FBXL13: variants seen among roughly 807,000 people sequenced by gnomAD.
FBXL13 encodes the protein F-box and leucine rich repeat protein 13.
A neutral mutation model predicts 83.6 loss-of-function variants in FBXL13; 67 were observed. The observed-to-expected ratio is 0.80, with a 90% CI of 0.66 to 0.98. FBXL13 has a LOEUF of 0.98. Ranked by LOEUF, FBXL13 falls within the 50% of genes least tolerant of loss-of-function variation. The pLI is 0.00. For missense variants in FBXL13, 822 were observed against 866.5 expected, an observed-to-expected ratio of 0.95 and a Z score of 0.64; for synonymous variants, 272 against 299.5, an observed-to-expected ratio of 0.91 and a Z score of 0.95.
rs530805803 is a variant in FBXL13 at position 102,971,823 on chromosome 7, C to T, written c.496-3706G>A. On this transcript the variant is annotated intron_variant, in intron 6 of 19. Coordinates refer to ENST00000313221, the Ensembl canonical transcript of FBXL13. ...GGCGGATCACCTGAGGTCAGAAGTT[C>T]GAGACCAGCCTGGCCAACATGGCAA... Among the ~76,000 whole-genome samples, 74 of 151,994 alleles carry T rather than the reference C, an allele frequency of 4.9e-4. 1 individual carries two copies. The South Asian group carries it at 0.015, about 31-fold the overall frequency.
intron 14 of FBXL13, among the ~76,000 whole-genome samples, chr7:102,880,386 T>A (rs535195633): frequency 6.6e-6 from 1 of 152,358 alleles, no homozygotes; most frequent in South Asian, 2.1e-4. Flanking sequence ...TTCAGAATGA[T>A]CTCCCAGCTC....
rs1326134338 is a variant in FBXL13 at position 102,813,548 on chromosome 7, T to C, written c.2019-17A>G. On this transcript the variant is annotated splice_polypyrimidine_tract_variant and intron_variant, in intron 19 of 19. Transcript: ENST00000313221. ...GCTGCCTTCCTGTAATAACAGTGCT[T>C]AGCATTAGCTAGTTGCAGAAGTAAC... 1.2e-6 allele frequency: 2 copies of C among 1,604,846 alleles called. No homozygotes were observed. Among genetic ancestry groups the C allele is most frequent in the Non-Finnish European group, 1.7e-6 (2 of 1,176,128 alleles).
chr7:102,933,960 C>A, intron 8 of FBXL13: 2 of 1,613,524 alleles, frequency 1.2e-6, no homozygotes, highest in South Asian at 2.2e-5. Context: ...TGCAAAGCGG[C>A]TGAGCTGCGC....
At chr7:103,072,924 C>G (rs1799117699) in intron 1 of FBXL13, among the ~76,000 whole-genome samples, 3 of 152,192 alleles carry the variant, frequency 2.0e-5, no homozygotes, top group Admixed American at 2.0e-4. Context: ...AATTCCTATC[C>G]CAGACGAAGT....
chr7:102,843,924 C>T (rs771649156), intron 17 of FBXL13, among the ~76,000 whole-genome samples: 5 of 152,102 alleles, frequency 3.3e-5, no homozygotes, highest in Admixed American at 6.5e-5. Context: ...CTCCATAAGC[C>T]GAAGTCAGAT....
At chr7:103,025,035 A>G in intron 6 of FBXL13, 28 bp downstream of exon 7, 1 of 1,566,202 alleles carries the variant, frequency 6.4e-7, no homozygotes, top group Non-Finnish European at 8.7e-7. Flanking sequence ...AGATTATAGT[A>G]TATAATGTAT....
chr7:102,934,004 A>C (rs761497097), intron 8 of FBXL13: 1 of 1,614,132 alleles, frequency 6.2e-7, no homozygotes. Context: ...AAGCCGAGTG[A>C]ATCATGGCCG....
At chr7:102,831,394 GACACACACACACAC>G (rs3045618) in intron 18 of FBXL13, among the ~76,000 whole-genome samples, 16 of 141,654 alleles carry the variant, frequency 1.1e-4, no homozygotes, top group African/African-American at 2.9e-4. Context: ...CAGTGCCCGG[GACACACACACACAC>G]ACACACACAC....
upstream of FBXL13, chr7:103,074,593 C>T (rs1799461404): frequency 1.6e-6 from 2 of 1,249,402 alleles, no homozygotes; most frequent in Non-Finnish European, 2.1e-6. Context: ...CCACTCCTCC[C>T]CAATCCCGAA....
intron 1 of FBXL13, among the ~76,000 whole-genome samples, chr7:103,073,306 TTTTC>T (rs1799194914): frequency 6.6e-6 from 1 of 152,108 alleles, no homozygotes; most frequent in Admixed American, 6.6e-5. Context: ...AACTTGCACT[TTTTC>T]TTTTTTACTT....
At chr7:103,025,384 C>G (rs1431851907) in intron 5 of FBXL13, among the ~76,000 whole-genome samples, 154 bp from the exon 7 acceptor site, 2 of 152,126 alleles carry the variant, frequency 1.3e-5, no homozygotes, top group African/African-American at 4.8e-5. Context: ...TTTTCATAAG[C>G]ATGTTTAATG....
intron 17 of FBXL13, chr7:102,834,473 A>ATGTG (rs1554405405): frequency 5.2e-4 from 74 of 141,542 alleles, no homozygotes; most frequent in African/African-American, 2.0e-3. Context: ...ATATATATAT[A>ATGTG]TGTGATGTGG....
Position 102,976,176 on chromosome 7 carries a change from AC to A in FBXL13, c.496-8060del, listed in dbSNP as rs781173685. ...AGACTGATAGTGCCTTGGAACAGAC[AC>A]CCCAGCAACTACCATCGCTTCATCT... On this transcript the variant is annotated intron_variant, in intron 6 of 19. Transcript: ENST00000313221. 1.3e-5 allele frequency: 10 copies of A among 765,478 alleles called. 1 individual carries two copies. The South Asian group carries it at 1.3e-4, about 10-fold the overall frequency. 47.4% of individuals were successfully genotyped at this position (765,478 alleles called of 1,614,324 possible). A position where few individuals can be genotyped will look rare whatever the true frequency, so the allele number is the denominator to read the frequency against.
At chr7:103,045,330 C>T (rs541974809) in intron 2 of FBXL13, among the ~76,000 whole-genome samples, 2 of 152,166 alleles carry the variant, frequency 1.3e-5, no homozygotes, top group African/African-American at 2.4e-5. Flanking sequence ...GGTTGCAGTT[C>T]GTCCACAAAG....
chr7:102,851,932 A>G (rs989356342), intron 17 of FBXL13, among the ~76,000 whole-genome samples: 5 of 152,144 alleles, frequency 3.3e-5, no homozygotes, highest in African/African-American at 1.2e-4. Flanking sequence ...CCAATTACTT[A>G]TCTCATGCTT....
chr7:102,983,265 AGTGCG>A (rs1257308140), intron 6 of FBXL13, among the ~76,000 whole-genome samples: 1 of 152,124 alleles, frequency 6.6e-6, no homozygotes, highest in Non-Finnish European at 1.5e-5. Flanking sequence ...TAGCACTGGG[AGTGCG>A]GAGGCCACTT....
intron 2 of FBXL13, chr7:103,030,994 GAGAA>G (rs1337738583): frequency 6.6e-6 from 1 of 152,134 alleles, no homozygotes; most frequent in Non-Finnish European, 1.5e-5. Context: ...GAAGGAAAGA[GAGAA>G]AGAAACAAAC....
chr7:102,887,623 G>A (rs1002686356), intron 11 of FBXL13, among the ~76,000 whole-genome samples: 1 of 152,152 alleles, frequency 6.6e-6, no homozygotes, highest in Non-Finnish European at 1.5e-5. Context: ...TTCCTCTTCA[G>A]GAAACCTCAG....
intron 9 of FBXL13, among the ~76,000 whole-genome samples, chr7:102,931,413 G>T (rs1473818426): frequency 6.6e-6 from 1 of 152,146 alleles, no homozygotes; most frequent in South Asian, 2.1e-4. Flanking sequence ...AGTCATATCT[G>T]CCTTTTACAA....
Sources: gnomAD v4.1 joint callset for allele counts (sites outside exome capture counted in the v4.1 genomes callset) on GRCh38, gnomAD v4.1.1 for gene constraint, MANE v1.5 for transcripts, NCBI Gene and HGNC (gene_info 2026-07-23, HGNC 2026-07-21) for gene names.